Variants in IL1RAPL1 observed in about 807,000 individuals in gnomAD.
IL1RAPL1 encodes the protein interleukin-1 receptor accessory protein-like 1.
In IL1RAPL1, 3 loss-of-function variants were observed where a neutral mutation model predicts 48.4. The ratio of observed to expected loss-of-function variants is 0.06; its 90% CI spans 0.03 to 0.16. The LOEUF is 0.16. IL1RAPL1 is among the 10% of genes least tolerant of loss of function. IL1RAPL1 has a pLI of 1.00. For missense variants in IL1RAPL1, 349 were observed against 530.6 expected (o/e 0.66, Z 3.36); for synonymous variants, 185 against 187.7 (o/e 0.99, Z 0.12).
chrX:29,496,018 C>T (rs779178168), intron 5 of IL1RAPL1, among the ~76,000 whole-genome samples: 1 of 111,031 alleles, frequency 9.0e-6, no homozygotes, highest in African/African-American at 3.3e-5. Context: ...GAACATCCAG[C>T]AAGCTTTGCA....
chrX:29,816,397 G>A (rs774017413), intron 6 of IL1RAPL1, among the ~76,000 whole-genome samples: 1 of 110,585 alleles, frequency 9.0e-6, no homozygotes, highest in African/African-American at 3.3e-5. Context: ...CCTAAACAGA[G>A]TAATATTGAG....
intron 2 of IL1RAPL1, among the ~76,000 whole-genome samples, chrX:29,250,985 A>AT (rs1263578867): frequency 1.1e-5 from 1 of 91,141 alleles, no homozygotes; most frequent in Non-Finnish European, 2.3e-5. Context: ...GCCAGGAAAC[A>AT]TTTTTTTGGA....
chrX:29,168,492 G>T (rs1929831013), intron 2 of IL1RAPL1, among the ~76,000 whole-genome samples: 1 of 98,012 alleles, frequency 1.0e-5, no homozygotes, highest in African/African-American at 3.6e-5. Flanking sequence ...TATCCTCCAG[G>T]TTCATCCATG....
At position 29,381,824 on chromosome X, in the gene IL1RAPL1, AAAAAAAAAAATATATATAT is replaced by A. The variant is rs1449351507; in HGVS notation, c.363-14432_363-14414del. ...GAGCAAGACTGTTGCCAAAAAAAAA[AAAAAAAAAAATATATATAT>A]ATATATATATATATATATATACATA... On this transcript the variant is annotated intron_variant, in intron 3 of 10. Transcript: ENST00000378993. Among the ~76,000 whole-genome samples the A allele has an allele frequency of 9.1e-3, 528 of 58,327 alleles. 7 individuals are homozygous for A. The highest frequency in any genetic ancestry group is 0.048 in the South Asian group (59 of 1,238). The allele number at this position is 58,327 out of a possible 115,157, so 50.6% of individuals were successfully genotyped here.
At chrX:29,884,825 T>C (rs1441818327) in intron 6 of IL1RAPL1, among the ~76,000 whole-genome samples, 1 of 111,430 alleles carries the variant, frequency 9.0e-6, no homozygotes, top group Non-Finnish European at 1.9e-5. Flanking sequence ...TCCTTGACTT[T>C]TTATTCTCTC....
intron 1 of IL1RAPL1, among the ~76,000 whole-genome samples, chrX:28,747,534 G>A (rs997510160): frequency 1.8e-5 from 2 of 111,095 alleles, no homozygotes; most frequent in Non-Finnish European, 3.8e-5. Flanking sequence ...CCAGCGACTC[G>A]GGAGGCTGAG....
intron 1 of IL1RAPL1, among the ~76,000 whole-genome samples, chrX:28,645,638 T>A (rs1168505757): frequency 2.7e-5 from 3 of 110,948 alleles, no homozygotes; most frequent in Non-Finnish European, 3.8e-5. Flanking sequence ...ATATGAAAGA[T>A]TAATGTAAGG....
intron 1 of IL1RAPL1, among the ~76,000 whole-genome samples, chrX:28,776,977 A>G (rs1936369013): frequency 8.9e-6 from 1 of 112,319 alleles, no homozygotes; most frequent in South Asian, 3.6e-4. Flanking sequence ...TGGCTTTTCA[A>G]ATATTTTACT....
At chrX:28,872,251 G>T (rs996156427) in intron 2 of IL1RAPL1, among the ~76,000 whole-genome samples, 1 of 111,158 alleles carries the variant, frequency 9.0e-6, no homozygotes, top group South Asian at 3.8e-4. Context: ...AACCCCTGGG[G>T]TCAAGCATCC....
intron 3 of IL1RAPL1, among the ~76,000 whole-genome samples, chrX:29,333,712 A>G (rs1047298901): frequency 1.9e-5 from 1 of 51,387 alleles, no homozygotes; most frequent in Non-Finnish European, 3.5e-5. Flanking sequence ...CGGGGGGCTG[A>G]CCCCCCCACC....
chrX:29,858,403 C>T (rs747625152), intron 6 of IL1RAPL1, among the ~76,000 whole-genome samples: 1 of 111,258 alleles, frequency 9.0e-6, no homozygotes, highest in East Asian at 2.8e-4. Context: ...CACATATACT[C>T]TGGGGAGTGC....
At chrX:29,119,900 C>T (rs772913363) in intron 2 of IL1RAPL1, among the ~76,000 whole-genome samples, 6 of 111,558 alleles carry the variant, frequency 5.4e-5, no homozygotes, top group Admixed American at 9.5e-5. Flanking sequence ...TTTTTCCAGA[C>T]CCTAGCCTTA....
At chrX:29,626,600 T>C (rs765295477) in intron 5 of IL1RAPL1, among the ~76,000 whole-genome samples, 1 of 111,639 alleles carries the variant, frequency 9.0e-6, no homozygotes, top group Non-Finnish European at 1.9e-5. Context: ...AGAAGTTGTT[T>C]TCTGATATGT....
At chrX:29,461,195 T>A (rs945391440) in intron 5 of IL1RAPL1, among the ~76,000 whole-genome samples, 22 of 111,437 alleles carry the variant, frequency 2.0e-4, no homozygotes, top group Non-Finnish European at 3.8e-4. Flanking sequence ...ATACCATTAG[T>A]CATTAGGGAA....
chrX:29,820,549 T>C (rs1930589792), intron 6 of IL1RAPL1, among the ~76,000 whole-genome samples: 1 of 111,787 alleles, frequency 8.9e-6, no homozygotes, highest in Admixed American at 9.5e-5. Flanking sequence ...CTAATAATTA[T>C]ACCTATTTTA....
intron 2 of IL1RAPL1, among the ~76,000 whole-genome samples, chrX:29,226,133 A>G (rs1219837547): frequency 8.9e-6 from 1 of 111,916 alleles, no homozygotes; most frequent in Admixed American, 9.5e-5. Context: ...AGTGTACTGT[A>G]TATAGAAGTG....
At chrX:28,815,877 A>ATATATATATG (rs1936862296) in intron 2 of IL1RAPL1, among the ~76,000 whole-genome samples, 1 of 78,232 alleles carries the variant, frequency 1.3e-5, no homozygotes, top group Non-Finnish European at 2.5e-5. Context: ...ATATATATAT[A>ATATATATATG]TATATATAAT....
chrX:28,601,317 C>T (rs1247235554), intron 1 of IL1RAPL1, among the ~76,000 whole-genome samples: 1 of 110,964 alleles, frequency 9.0e-6, no homozygotes, highest in Admixed American at 9.6e-5. Flanking sequence ...GCTACTCTAA[C>T]TAGAGGCTGA....
At chrX:28,979,763 G>GT (rs1925286100) in intron 2 of IL1RAPL1, among the ~76,000 whole-genome samples, 1 of 112,011 alleles carries the variant, frequency 8.9e-6, no homozygotes, top group Admixed American at 9.5e-5. Flanking sequence ...TGTGATGGTT[G>GT]TTTTTTGTTT....
Sources: gnomAD v4.1 joint callset for allele counts (sites outside exome capture counted in the v4.1 genomes callset) on GRCh38, gnomAD v4.1.1 for gene constraint, MANE v1.5 for transcripts, NCBI Gene and HGNC (gene_info 2026-07-23, HGNC 2026-07-21) for gene names.